The following KLHL29 variants were observed in gnomAD, a reference collection of about 807,000 sequenced individuals.
KLHL29 encodes kelch like family member 29.
KLHL29 carries 21 observed loss-of-function variants against 80.4 expected under a neutral mutation model. The ratio of observed to expected loss-of-function variants is 0.26; its 90% confidence interval spans 0.19 to 0.38. The LOEUF is 0.38. Among genes scored for constraint, KLHL29 ranks in the 10% least tolerant of loss-of-function variants. KLHL29 has a pLI of 1.00. For synonymous variants in KLHL29, 511 were observed against 526.8 expected (o/e 0.97, Z 0.41); for missense variants, 867 against 1,223.9 (o/e 0.71, Z 4.35).
At chr2:23,662,275 ATTTTT>A (rs1233197414) in intron 5 of KLHL29, among the ~76,000 whole-genome samples, 1 of 152,180 alleles carries the variant, frequency 6.6e-6, no homozygotes, top group Non-Finnish European at 1.5e-5. Flanking sequence ...TCGTCTAGAT[ATTTTT>A]GTAGGATTTA....
chr2:23,444,073 A>G (rs1405054636), intron 1 of KLHL29, among the ~76,000 whole-genome samples: 4 of 152,190 alleles, frequency 2.6e-5, no homozygotes, highest in Admixed American at 2.6e-4. Context: ...TAGGCACAAT[A>G]TGCCCCAGAC....
intron 1 of KLHL29, among the ~76,000 whole-genome samples, chr2:23,418,701 C>T (rs919499562): frequency 6.6e-6 from 1 of 152,148 alleles, no homozygotes; most frequent in Non-Finnish European, 1.5e-5. Context: ...GATGCTGGGG[C>T]CACAGCTTAT....
At chr2:23,547,946 C>T (rs960186508) in intron 2 of KLHL29, among the ~76,000 whole-genome samples, 11 of 152,102 alleles carry the variant, frequency 7.2e-5, no homozygotes, top group Admixed American at 1.3e-4. Flanking sequence ...ACAGAGGTGG[C>T]GCTATGCCAC....
chr2:23,492,644 C>T (rs1665137562), intron 2 of KLHL29, among the ~76,000 whole-genome samples: 1 of 152,188 alleles, frequency 6.6e-6, no homozygotes, highest in Admixed American at 6.5e-5. Flanking sequence ...GGGCTGGGTC[C>T]TTTAGCCTGA....
At chr2:23,438,391 T>G (rs1332687693) in intron 1 of KLHL29, among the ~76,000 whole-genome samples, 1 of 138,250 alleles carries the variant, frequency 7.2e-6, no homozygotes, top group Middle Eastern at 3.5e-3. Flanking sequence ...CTTGTGCCAG[T>G]TTTCAAAGGG....
intron 2 of KLHL29, among the ~76,000 whole-genome samples, chr2:23,513,494 A>G (rs1280092170): frequency 6.6e-6 from 1 of 152,186 alleles, no homozygotes; most frequent in Non-Finnish European, 1.5e-5. Context: ...TGCTAGAACC[A>G]GGCAGGTTTC....
chr2:23,439,759 G>A lies in KLHL29; in HGVS notation c.-153-35801G>A, dbSNP rs535737786. Among the ~76,000 whole-genome samples the A allele has an allele frequency of 3.4e-3, 519 of 151,170 alleles. 3 individuals carry two copies. Among genetic ancestry groups the A allele is most frequent in the African/African-American group, 0.012 (501 of 41,182 alleles). The stretch of plus-strand genomic sequence containing the variant: ...TGTGGTCAATTTTGGAATAGGTGTG[G>A]TGTGGTGCTGAAAAAAATGTATATT... On this transcript the variant is annotated intron_variant, in intron 1 of 13. Coordinates refer to ENST00000486442, the MANE Select transcript of KLHL29 (RefSeq NM_052920.2).
At chr2:23,404,589 A>G (rs1666679296) in intron 1 of KLHL29, among the ~76,000 whole-genome samples, 1 of 152,320 alleles carries the variant, frequency 6.6e-6, no homozygotes, top group South Asian at 2.1e-4. Context: ...CTCATCAACT[A>G]CTGTAAAAAC....
chr2:23,655,511 G>A (rs559054684), intron 5 of KLHL29, among the ~76,000 whole-genome samples: 8 of 152,218 alleles, frequency 5.3e-5, no homozygotes, highest in Non-Finnish European at 7.4e-5. Flanking sequence ...CATGGCCTAC[G>A]GCTCCTTGGG....
At chr2:23,705,679 G>A (rs1418449547) in intron 13 of KLHL29, among the ~76,000 whole-genome samples, 4 of 152,186 alleles carry the variant, frequency 2.6e-5, no homozygotes, top group Non-Finnish European at 4.4e-5. Flanking sequence ...TTCTCTTTAA[G>A]AGATTTCAGA....
At chr2:23,402,770 T>G in intron 1 of KLHL29, among the ~76,000 whole-genome samples, 1 of 152,226 alleles carries the variant, frequency 6.6e-6, no homozygotes, top group East Asian at 1.9e-4. Flanking sequence ...GTGATTTCAC[T>G]GTAAGTTTGG....
chr2:23,577,490 T>C (rs1432207374), intron 3 of KLHL29, among the ~76,000 whole-genome samples: 2 of 151,394 alleles, frequency 1.3e-5, no homozygotes, highest in East Asian at 3.9e-4. Context: ...CTCACACCTG[T>C]AATCTCAACA....
At chr2:23,603,562 C>T (rs750199120) in intron 3 of KLHL29, among the ~76,000 whole-genome samples, 12 of 152,098 alleles carry the variant, frequency 7.9e-5, no homozygotes, top group African/African-American at 1.4e-4. Context: ...GGCCCTGGCA[C>T]GTTTGGAATA....
intron 2 of KLHL29, among the ~76,000 whole-genome samples, chr2:23,499,268 A>G (rs1374373405): frequency 6.6e-6 from 1 of 152,092 alleles, no homozygotes; most frequent in African/African-American, 2.4e-5. Context: ...TGTAGGCCAG[A>G]CAGTGGAATG....
chr2:23,640,427 C>G (rs1669736209), intron 4 of KLHL29, among the ~76,000 whole-genome samples: 1 of 152,158 alleles, frequency 6.6e-6, no homozygotes, highest in African/African-American at 2.4e-5. Flanking sequence ...CACAGAGTCC[C>G]CTGGGGCCCC....
intron 5 of KLHL29, among the ~76,000 whole-genome samples, chr2:23,665,781 A>T (rs1406881802): frequency 2.6e-5 from 4 of 152,092 alleles, no homozygotes; most frequent in Admixed American, 2.6e-4. Flanking sequence ...GAGCTAATAG[A>T]CGGAGAGGCC....
chr2:23,676,457 C>T (rs982374704), intron 5 of KLHL29, among the ~76,000 whole-genome samples: 1 of 152,170 alleles, frequency 6.6e-6, no homozygotes, highest in African/African-American at 2.4e-5. Context: ...GCTGGGATTA[C>T]AGGAGTGAGC....
At chr2:23,597,303 A>G (rs1442622122) in intron 3 of KLHL29, among the ~76,000 whole-genome samples, 2 of 82,222 alleles carry the variant, frequency 2.4e-5, no homozygotes, top group East Asian at 1.1e-3. Context: ...TCTCATATAT[A>G]TATATATGTG....
intron 1 of KLHL29, among the ~76,000 whole-genome samples, chr2:23,394,639 G>A (rs992716063): frequency 1.3e-5 from 2 of 152,114 alleles, no homozygotes; most frequent in African/African-American, 4.8e-5. Context: ...TTGCTTATTT[G>A]AATAAAAAAA....
Sources: allele counts gnomAD v4.1 joint callset (sites outside exome capture counted in the v4.1 genomes callset), GRCh38; gene constraint gnomAD v4.1.1; transcripts MANE v1.5; gene names NCBI Gene and HGNC (gene_info 2026-07-23, HGNC 2026-07-21).